The following TNRC6B variants were observed in gnomAD, a reference collection of about 807,000 sequenced individuals.
TNRC6B encodes the protein trinucleotide repeat containing adaptor 6B.
A neutral mutation model predicts 203.6 loss-of-function variants in TNRC6B; 52 were observed. That is an observed-to-expected ratio of 0.26 (90% CI 0.20 to 0.32). The LOEUF (loss-of-function observed/expected upper bound fraction) is 0.32, where lower values mean the gene tolerates loss of function less well. Ranked by LOEUF, TNRC6B falls within the 10% of genes least tolerant of loss-of-function variation. The pLI is 1.00. For missense variants in TNRC6B, 1,923 were observed against 2,286.2 expected, an observed-to-expected ratio of 0.84 and a Z score of 3.24; for synonymous variants, 838 against 845.7, an observed-to-expected ratio of 0.99 and a Z score of 0.16.
Position 40,266,603 on chromosome 22 carries a change from A to G in TNRC6B, c.2373A>G (p.Leu791=), listed in dbSNP as rs2070484363. 2 of 1,612,240 alleles carry G rather than the reference A, an allele frequency of 1.2e-6. No individual in the cohort carries two copies. Among genetic ancestry groups the G allele is most frequent in the East Asian group, 2.2e-5 (1 of 44,860 alleles). The part of the protein sequence containing the change: ...GTWGNGGNAS[L]ASKGGWEDCK... ...GGGGTAATGGTGGCAATGCAAGCCT[A>G]GCTTCAAAAGGTGGGTGGGAGGATT... Residue 791 remains leucine, a synonymous_variant, in exon 5 of 23, where the codon CTA becomes CTG. Transcript: ENST00000454349.
At chr22:40,076,312 G>T (rs7292931) in intron 1 of TNRC6B, among the ~76,000 whole-genome samples, 2,044 of 152,232 alleles carry the variant, frequency 0.013, 55 homozygotes, top group African/African-American at 0.046. Context: ...AGCTACTCAG[G>T]AGGCTGAGAT....
At chr22:40,064,065 G>A (rs1259701440) in intron 1 of TNRC6B, among the ~76,000 whole-genome samples, 1 of 152,154 alleles carries the variant, frequency 6.6e-6, no homozygotes, top group Non-Finnish European at 1.5e-5. Context: ...CTGCTAATAT[G>A]TAGAAATACA....
At chr22:40,097,753 T>C (rs1035373119) in intron 1 of TNRC6B, among the ~76,000 whole-genome samples, 6 of 151,376 alleles carry the variant, frequency 4.0e-5, no homozygotes, top group Admixed American at 2.0e-4. Flanking sequence ...TACACGCAGA[T>C]AATGTATAAT....
rs372480114 is a variant in TNRC6B, at chr22:40,264,854, T to C, written c.624T>C (p.Thr208=). The C allele has an allele frequency of 1.2e-6, 2 of 1,613,852 alleles. No individual in the cohort carries two copies. The highest frequency in any genetic ancestry group is 1.7e-6 in the Non-Finnish European group (2 of 1,179,860). ...EEWPCIASKD[T]ESSSENTTDN... is the part of the protein sequence containing the mutation. ...GGCCTTGTATTGCCAGCAAAGACACTGAATCTTCTTCCGAAAACACCACCG... is the reference window on the plus strand; with the variant it reads ...GGCCTTGTATTGCCAGCAAAGACACCGAATCTTCTTCCGAAAACACCACCG... Residue 208 remains threonine (T), a synonymous_variant, in exon 5 of 23, where the codon ACT becomes ACC. Transcript: ENST00000454349.
chr22:40,250,023 A>G (rs1225347779), intron 2 of TNRC6B, among the ~76,000 whole-genome samples: 7 of 152,210 alleles, frequency 4.6e-5, no homozygotes, highest in African/African-American at 1.7e-4. Flanking sequence ...CCTTCCTTCC[A>G]GGGATGATTG....
chr22:40,159,467 G>A (rs1389594621), intron 4 of TNRC6B, among the ~76,000 whole-genome samples: 1 of 149,950 alleles, frequency 6.7e-6, no homozygotes, highest in East Asian at 2.0e-4. Context: ...GTGAAACCCC[G>A]CCTCTAGTAA....
In TNRC6B at chr22:40,335,130, C is replaced by A. The variant is rs11703324; in HGVS notation, c.*11889C>A. The A allele has an allele frequency of 0.044, 6,535 of 148,098 alleles. 202 individuals carry two copies. Among genetic ancestry groups the A allele is most frequent in the South Asian group, 0.082 (381 of 4,668 alleles). 9.2% of individuals were successfully genotyped at this position (148,098 alleles called of 1,614,324 possible). A position where few individuals can be genotyped will look rare whatever the true frequency, so the allele number is the denominator to read the frequency against. On this transcript the variant is annotated 3_prime_UTR_variant, in exon 23 of 23. Transcript: ENST00000454349. ...AAGTAGATAATGGGATTTAAGGACG[C>A]CTGGGGGAGAAAAGGGAGGATGTGG...
chr22:40,055,774 G>A (rs1425545008), intron 1 of TNRC6B, among the ~76,000 whole-genome samples: 2 of 152,166 alleles, frequency 1.3e-5, no homozygotes, highest in Non-Finnish European at 2.9e-5. Context: ...GTGACTTCTA[G>A]ATCACCTGAG....
chr22:40,232,563 G>A (rs997696759), intron 1 of TNRC6B, among the ~76,000 whole-genome samples: 1 of 152,140 alleles, frequency 6.6e-6, no homozygotes, highest in African/African-American at 2.4e-5. Context: ...CTCCTTGTTC[G>A]AGTTTGCTGA....
intron 1 of TNRC6B, among the ~76,000 whole-genome samples, chr22:40,205,657 A>G (rs1218298655): frequency 6.6e-6 from 1 of 152,236 alleles, no homozygotes; most frequent in African/African-American, 2.4e-5. Context: ...TAACAGTAAT[A>G]CTAGTTTTAT....
intron 1 of TNRC6B, among the ~76,000 whole-genome samples, chr22:40,212,086 CT>C (rs1038723062): frequency 6.6e-6 from 1 of 152,194 alleles, no homozygotes; most frequent in African/African-American, 2.4e-5. Context: ...AGACAAAGCC[CT>C]TTATATTTGA....
Position 40,178,070 on chromosome 22 carries a change from C to T in TNRC6B, c.-66C>T. Reference sequence around the variant, plus strand: ...AGACAAAAAGAATTCATTTTTTGGACCTTTTTTCATTTCCATTTCTACCTT... The same window carrying T: ...AGACAAAAAGAATTCATTTTTTGGATCTTTTTTCATTTCCATTTCTACCTT... On this transcript the variant is annotated 5_prime_UTR_variant, in exon 1 of 23. Transcript: ENST00000454349. The T allele has an allele frequency of 1.3e-6, 2 of 1,596,256 alleles. No individual in the cohort carries two copies. Among genetic ancestry groups the T allele is most frequent in the Non-Finnish European group, 1.7e-6 (2 of 1,174,194 alleles).
intron 20 of TNRC6B, 36 bp downstream of exon 20, chr22:40,315,543 A>G (rs773194505): frequency 1.2e-6 from 2 of 1,600,874 alleles, no homozygotes; most frequent in Non-Finnish European, 1.7e-6. Context: ...ACCATTGTTC[A>G]TCCACAAGGG....
chr22:40,310,859 A>G lies in TNRC6B; in HGVS notation c.4301A>G (p.Tyr1434Cys). ...GGTAAAACCCGGGGAGGGTCACCGT[A>G]CAACCAGTTTGATATCATCCCTGGT... ...APGKTRGGSPYNQFDIIPGDT... is the reference protein window; with the variant it reads ...APGKTRGGSPCNQFDIIPGDT... The change falls in exon 17 of 23, where the codon TAC (tyrosine) becomes TGC (cysteine). Residue 1434 changes from tyrosine to cysteine, a missense_variant. This residue lies in a region of TNRC6B where 242 missense variants were observed against 399.5 expected (regional missense o/e 0.61). Transcript: ENST00000454349. The G allele has an allele frequency of 6.2e-7, 1 of 1,613,014 alleles. No individual in the cohort carries two copies. Among genetic ancestry groups the G allele is most frequent in the Non-Finnish European group, 8.5e-7 (1 of 1,179,530 alleles).
At chr22:40,079,209 G>A (rs957516543) in intron 1 of TNRC6B, among the ~76,000 whole-genome samples, 5 of 152,062 alleles carry the variant, frequency 3.3e-5, no homozygotes, top group African/African-American at 4.8e-5. Flanking sequence ...CACCGTGCCC[G>A]GGCAATATCT....
intron 1 of TNRC6B, 126 bp downstream of exon 1, chr22:40,178,266 A>T: frequency 9.5e-7 from 1 of 1,052,796 alleles, no homozygotes; most frequent in South Asian, 1.5e-5. Flanking sequence ...CATTTCGTGG[A>T]TCTGTGTAAA....
intron 1 of TNRC6B, among the ~76,000 whole-genome samples, chr22:40,227,200 C>G (rs946056309): frequency 6.7e-6 from 1 of 149,804 alleles, no homozygotes; most frequent in African/African-American, 2.4e-5. Context: ...CTTGCCTCAG[C>G]CTCCGAAAGT....
At chr22:40,075,156 A>ATAT in intron 1 of TNRC6B, among the ~76,000 whole-genome samples, 77 of 35,552 alleles carry the variant, frequency 2.2e-3, no homozygotes, top group Admixed American at 4.9e-3. Flanking sequence ...ATATATATAT[A>ATAT]TTTTTTTTTT....
At chr22:40,075,857 A>G (rs1234865503) in intron 1 of TNRC6B, among the ~76,000 whole-genome samples, 1 of 152,200 alleles carries the variant, frequency 6.6e-6, no homozygotes, top group African/African-American at 2.4e-5. Context: ...CACTTCATTT[A>G]TAGTGTAAAA....
Sources: gnomAD v4.1 joint callset for allele counts (sites outside exome capture counted in the v4.1 genomes callset) on GRCh38, gnomAD v4.1.1 for gene constraint, gnomAD v4.1.1 regional missense constraint, MANE v1.5 for transcripts, NCBI Gene and HGNC (gene_info 2026-07-23, HGNC 2026-07-21) for gene names.